The following NEDD4 variants were observed in gnomAD, a reference collection of about 807,000 sequenced individuals.
NEDD4 encodes the protein NEDD4 E3 ubiquitin protein ligase.
In NEDD4, 99 loss-of-function variants were observed where a neutral mutation model predicts 144.9. The observed-to-expected ratio is 0.68, with a 90% CI of 0.58 to 0.81. The LOEUF (loss-of-function observed/expected upper bound fraction) is 0.81. NEDD4 is among the 30% of genes least tolerant of loss of function. The pLI is 0.00. For synonymous variants in NEDD4, 318 were observed against 350.6 expected (o/e 0.91, Z 1.04); for missense variants, 985 against 1,065.9 (o/e 0.92, Z 1.06).
intron 5 of NEDD4, among the ~76,000 whole-genome samples, chr15:55,899,012 TG>T (rs2035828579): frequency 6.6e-6 from 1 of 152,174 alleles, no homozygotes; most frequent in Admixed American, 6.5e-5. Context: ...CATTAACAAA[TG>T]GTAGTAAGCA....
chr15:55,928,634 CTCTACATGTCTACACTGTGCTCATCAT>C (rs2036721502), intron 4 of NEDD4, among the ~76,000 whole-genome samples: 1 of 152,240 alleles, frequency 6.6e-6, no homozygotes, highest in Non-Finnish European at 1.5e-5. Flanking sequence ...ACCTTCTCCA[CTCTACATGTCTACACTGTGCTCATCAT>C]TCAAGCCCAG....
intron 18 of NEDD4, among the ~76,000 whole-genome samples, chr15:55,843,465 C>T (rs2033607143): frequency 1.3e-5 from 2 of 152,146 alleles, no homozygotes; most frequent in South Asian, 4.1e-4. Flanking sequence ...GACAAATGTA[C>T]ACAACTATGC....
In NEDD4 at chr15:55,863,145, A is replaced by T. The variant is rs1041897572; in HGVS notation, c.508-66T>A. ...TTTTTAACTTTCTAAATTATATGCT[A>T]AAGGAAATTTAAAAAGAGATTTATT... On this transcript the variant is annotated intron_variant, in intron 8 of 28. Transcript: ENST00000435532. The T allele has an allele frequency of 6.8e-6, 9 of 1,327,536 alleles. No individual in the cohort carries two copies. The East Asian group carries it at 2.3e-4, about 34-fold the overall frequency. The allele number at this position is 1,327,536 out of a possible 1,614,324, so 82.2% of individuals were successfully genotyped here. A position where few individuals can be genotyped will look rare whatever the true frequency, so the allele number is the denominator to read the frequency against.
rs1307736461 is a variant in NEDD4 at position 55,827,299 on chromosome 15, C to A, written c.*2598G>T. ...TTATGAAAATGATCCTACTGACTGT[C>A]CCGCAGTAGAATGCATTTGAGACAC... is the stretch of plus-strand genomic sequence containing the variant. On this transcript the variant is annotated 3_prime_UTR_variant, in exon 29 of 29. Transcript: ENST00000435532. 6.6e-6 allele frequency: 1 copy of A among 152,164 alleles called. No homozygotes were observed. The highest frequency in any genetic ancestry group is 1.5e-5 in the Non-Finnish European group (1 of 68,034). 9.4% of individuals were successfully genotyped at this position (152,164 alleles called of 1,614,324 possible).
intron 5 of NEDD4, chr15:55,917,280 G>T: frequency 1.9e-6 from 1 of 526,070 alleles, no homozygotes; most frequent in Non-Finnish European, 2.5e-6. Context: ...TTAACTATGT[G>T]AATCACAGTG....
intron 4 of NEDD4, among the ~76,000 whole-genome samples, chr15:55,930,775 G>A (rs1169170821): frequency 6.6e-6 from 1 of 152,114 alleles, no homozygotes; most frequent in African/African-American, 2.4e-5. Context: ...TTTAAAAATG[G>A]GAGTTTCCCT....
At chr15:55,880,454 T>G (rs2414451) in intron 5 of NEDD4, among the ~76,000 whole-genome samples, 124,384 of 151,094 alleles carry the variant, frequency 0.82, 50,963 homozygotes, top group East Asian at 0.95. Context: ...AAACCTGAAA[T>G]ATAAGAGAGT....
chr15:55,875,598 G>A (rs1005679435), intron 5 of NEDD4, among the ~76,000 whole-genome samples: 4 of 152,228 alleles, frequency 2.6e-5, no homozygotes, highest in Admixed American at 1.3e-4. Flanking sequence ...GATTACAGGT[G>A]TTAGCCACCA....
At chr15:55,948,378 C>A (rs1595868349) in intron 4 of NEDD4, among the ~76,000 whole-genome samples, 1 of 152,254 alleles carries the variant, frequency 6.6e-6, no homozygotes, top group South Asian at 2.1e-4. Context: ...GCCATACTGC[C>A]CAAGATAATT....
chr15:55,926,991 G>A lies in NEDD4; in HGVS notation c.238-2292C>T, dbSNP rs112354322. On this transcript the variant is annotated intron_variant, in intron 4 of 28. Transcript: ENST00000435532. ...GTTGGGAGGCTGAGGCAGGAGAATC[G>A]CTTGAACCTGGGGGACAGAGGTTGC... is the stretch of plus-strand genomic sequence containing the variant. 6.0e-5 allele frequency among the ~76,000 whole-genome samples: 9 copies of A among 149,364 alleles called. 1 individual carries two copies. The highest frequency in any genetic ancestry group is 2.1e-4 in the South Asian group (1 of 4,734).
chr15:55,839,963 C>A (rs1224127991), intron 21 of NEDD4, among the ~76,000 whole-genome samples: 1 of 81,486 alleles, frequency 1.2e-5, no homozygotes, highest in Non-Finnish European at 2.2e-5. Context: ...AACAGAGTGA[C>A]ACTCTGTCTC....
At chr15:55,874,114 T>C in intron 5 of NEDD4, 106 bp from the exon 6 acceptor site, 1 of 578,192 alleles carries the variant, frequency 1.7e-6, no homozygotes, top group South Asian at 2.9e-5. Context: ...GTTTTTTTTT[T>C]ATTCAGTCAT....
chr15:55,956,310 G>T (rs1184251927), intron 2 of NEDD4, among the ~76,000 whole-genome samples: 1 of 152,092 alleles, frequency 6.6e-6, no homozygotes, highest in Non-Finnish European at 1.5e-5. Context: ...AGTTTTAATT[G>T]TGTTGAAGTT....
intron 24 of NEDD4, among the ~76,000 whole-genome samples, chr15:55,836,719 G>A (rs1220751056): frequency 2.6e-5 from 4 of 152,026 alleles, no homozygotes; most frequent in African/African-American, 7.2e-5. Flanking sequence ...GTAGAGACAG[G>A]GTTTCACCAC....
At chr15:55,960,141 TGCAGAAATAA>T (rs1410714560) in intron 2 of NEDD4, among the ~76,000 whole-genome samples, 2 of 152,184 alleles carry the variant, frequency 1.3e-5, no homozygotes, top group Non-Finnish European at 2.9e-5. Context: ...CCCAAAGGAC[TGCAGAAATAA>T]GCCACAGTAA....
intron 5 of NEDD4, among the ~76,000 whole-genome samples, chr15:55,876,973 G>C (rs1303820503): frequency 6.6e-6 from 1 of 150,678 alleles, no homozygotes; most frequent in African/African-American, 2.4e-5. Context: ...TCAAAGTGCT[G>C]GGATTACAGG....
At position 55,863,082 on chromosome 15, in the gene NEDD4, G is replaced by A. The variant is rs773697003; in HGVS notation, c.508-3C>T. On this transcript the variant is annotated splice_region_variant and splice_polypyrimidine_tract_variant and intron_variant, in intron 8 of 28. Coordinates refer to ENST00000435532, the MANE Select transcript of NEDD4 (RefSeq NM_006154.4). ...TGGTCCAAAACAACCCAGCCAGGCTGAAAAACAGGATGGCAGCAATTAAGT... is the reference window on the plus strand; with the variant it reads ...TGGTCCAAAACAACCCAGCCAGGCTAAAAAACAGGATGGCAGCAATTAAGT... The A allele has an allele frequency of 3.2e-6, 5 of 1,555,790 alleles. No homozygotes were observed. The South Asian group carries it at 6.0e-5, about 19-fold the overall frequency.
intron 5 of NEDD4, among the ~76,000 whole-genome samples, chr15:55,889,489 T>C (rs1363718963): frequency 6.6e-6 from 1 of 152,190 alleles, no homozygotes; most frequent in East Asian, 1.9e-4. Context: ...AAACTTCACA[T>C]GTTCTCACTT....
chr15:55,901,227 C>A (rs1237149602), intron 5 of NEDD4, among the ~76,000 whole-genome samples: 1 of 151,974 alleles, frequency 6.6e-6, no homozygotes, highest in Non-Finnish European at 1.5e-5. Context: ...TCTGTGAATT[C>A]TTTAGTTTAA....
Sources: gnomAD v4.1 joint callset for allele counts (sites outside exome capture counted in the v4.1 genomes callset) on GRCh38, gnomAD v4.1.1 for gene constraint, MANE v1.5 for transcripts, NCBI Gene and HGNC (gene_info 2026-07-23, HGNC 2026-07-21) for gene names.